The following NEK5 variants were observed in gnomAD, a reference collection of about 807,000 sequenced individuals.
NEK5 encodes NIMA related kinase 5.
Under a neutral mutation model 109.2 loss-of-function variants are expected in NEK5, and 88 were observed. The ratio of observed to expected loss-of-function variants is 0.81; its 90% confidence interval spans 0.68 to 0.96. NEK5 has a LOEUF of 0.96. NEK5 is among the 40% of genes least tolerant of loss of function. The pLI, the probability that NEK5 is intolerant of heterozygous loss-of-function variation, is 0.00. For missense variants in NEK5, 834 were observed against 920.7 expected (o/e 0.91, Z 1.22); for synonymous variants, 283 against 299.9 (o/e 0.94, Z 0.58).
intron 1 of NEK5, among the ~76,000 whole-genome samples, chr13:52,128,205 T>C (rs922663846): frequency 3.3e-5 from 5 of 152,140 alleles, no homozygotes; most frequent in African/African-American, 1.2e-4. Flanking sequence ...CTTTTTTTTT[T>C]CGAGGAATGC....
At position 52,127,468 on chromosome 13, in the gene NEK5, A is replaced by G; in HGVS notation, c.15T>C (p.Asp5=). 6.3e-7 allele frequency: 1 copy of G among 1,599,072 alleles called. No individual in the cohort carries two copies. Among genetic ancestry groups the G allele is most frequent in the Non-Finnish European group, 8.6e-7 (1 of 1,166,562 alleles). ...CACCTTGCCCGATGGCCTTAATCAC[A>G]TCGTACTTATCCATGGTCTCCAATG... MDKY[D]VIKAIGQGAF... is the part of the protein sequence containing the mutation. The change falls in exon 3 of 24, where the codon GAT becomes GAC. Residue 5 remains aspartate, a synonymous_variant. Coordinates refer to ENST00000684899, the MANE Select transcript of NEK5 (RefSeq NM_001365552.1).
intron 4 of NEK5, among the ~76,000 whole-genome samples, chr13:52,113,653 T>C (rs1042939677): frequency 6.6e-6 from 1 of 151,966 alleles, no homozygotes. Context: ...TTCCTGGCCA[T>C]TTCCACTCAA....
intron 1 of NEK5, among the ~76,000 whole-genome samples, chr13:52,128,674 T>TG (rs945756976): frequency 6.6e-6 from 1 of 152,084 alleles, no homozygotes; most frequent in Non-Finnish European, 1.5e-5. Context: ...CATACGGACT[T>TG]GGGGCCGGGG....
chr13:52,080,033 C>T (rs1157997999), intron 17 of NEK5, among the ~76,000 whole-genome samples: 2 of 151,684 alleles, frequency 1.3e-5, no homozygotes, highest in African/African-American at 2.4e-5. Flanking sequence ...GCAACCGCCC[C>T]GTCTAAGAAG....
chr13:52,110,702 T>A (rs1955742509), intron 5 of NEK5, 125 bp from the exon 6 acceptor site: 1 of 558,604 alleles, frequency 1.8e-6, no homozygotes, highest in Non-Finnish European at 3.1e-6. Flanking sequence ...ATATAGTGTA[T>A]GTGTATTTAT....
chr13:52,063,213 C>T (rs977307814), intron 21 of NEK5, among the ~76,000 whole-genome samples: 1 of 152,238 alleles, frequency 6.6e-6, no homozygotes, highest in Non-Finnish European at 1.5e-5. Context: ...CCCGTGATTA[C>T]AGACACGCGT....
At chr13:52,073,063 C>A (rs1029405568) in intron 19 of NEK5, among the ~76,000 whole-genome samples, 6 of 152,072 alleles carry the variant, frequency 3.9e-5, no homozygotes, top group Non-Finnish European at 8.8e-5. Context: ...CTAATTAAGA[C>A]CTAAAATAAA....
chr13:52,119,450 G>A (rs1955928744), intron 3 of NEK5, 35 bp from the exon 4 acceptor site: 4 of 1,154,694 alleles, frequency 3.5e-6, no homozygotes, highest in Non-Finnish European at 5.0e-6. Context: ...AGTCTATAAA[G>A]CTAACTTGGT....
intron 4 of NEK5, among the ~76,000 whole-genome samples, chr13:52,117,712 TAA>T (rs566303204): frequency 3.2e-4 from 48 of 152,258 alleles, no homozygotes; most frequent in African/African-American, 1.0e-3. Context: ...CAAAATTCAT[TAA>T]GTTTACCATG....
intron 20 of NEK5, among the ~76,000 whole-genome samples, chr13:52,067,760 T>C (rs6650385): frequency 0.63 from 93,826 of 149,866 alleles, 30,538 homozygotes; most frequent in Non-Finnish European, 0.72. Flanking sequence ...GGCACAATCT[T>C]GTCTCACTGC....
chr13:52,087,548 A>G, intron 14 of NEK5, 94 bp from the exon 15 acceptor site: 2 of 646,406 alleles, frequency 3.1e-6, no homozygotes, highest in Non-Finnish European at 5.4e-6. Context: ...TAAGAATTAT[A>G]TCACTAAGCA....
intron 17 of NEK5, among the ~76,000 whole-genome samples, chr13:52,077,614 C>G (rs921752884): frequency 6.6e-6 from 1 of 152,172 alleles, no homozygotes; most frequent in Non-Finnish European, 1.5e-5. Flanking sequence ...ACAGAGAGAA[C>G]TGAAACACTC....
At chr13:52,044,267 T>C (rs1954438479) in intron 23 of NEK5, among the ~76,000 whole-genome samples, 1 of 152,192 alleles carries the variant, frequency 6.6e-6, no homozygotes, top group Non-Finnish European at 1.5e-5. Context: ...GAGTTATACT[T>C]AATAAACTCC....
intron 4 of NEK5, 59 bp from the exon 5 acceptor site, chr13:52,112,424 C>CA: frequency 8.9e-7 from 1 of 1,128,318 alleles, no homozygotes; most frequent in Non-Finnish European, 1.3e-6. Context: ...CAGCCATGTT[C>CA]TGGCTGTGGA....
At chr13:52,050,440 A>C (rs186619284) in intron 22 of NEK5, among the ~76,000 whole-genome samples, 3 of 152,282 alleles carry the variant, frequency 2.0e-5, no homozygotes, top group Non-Finnish European at 2.9e-5. Flanking sequence ...CTTTTGGGGT[A>C]GATGCTTTCA....
intron 19 of NEK5, among the ~76,000 whole-genome samples, chr13:52,074,872 A>C (rs988621836): frequency 6.6e-6 from 1 of 152,210 alleles, no homozygotes; most frequent in African/African-American, 2.4e-5. Context: ...TATATAAAAG[A>C]ATACTCATCA....
chr13:52,046,505 A>G (rs1954460680), intron 23 of NEK5, among the ~76,000 whole-genome samples: 1 of 151,080 alleles, frequency 6.6e-6, no homozygotes, highest in Non-Finnish European at 1.5e-5. Context: ...AAGAAGAAGA[A>G]GAAGAAGAAA....
At position 52,061,972 on chromosome 13, in the gene NEK5, T is replaced by C. The variant is rs1954617675; in HGVS notation, c.1976-19A>G. 2 of 447,246 alleles carry C rather than the reference T, an allele frequency of 4.5e-6. No homozygotes were observed. The highest frequency in any genetic ancestry group is 2.1e-5 in the African/African-American group (1 of 46,976). The allele number at this position is 447,246 out of a possible 1,614,324, so 27.7% of individuals were successfully genotyped here. ...TGGCCATCTGAAGAGGAAAGTGTTA[T>C]TAAAAATAAAAATGCTTCTTCACTG... On this transcript the variant is annotated intron_variant, in intron 21 of 23. Coordinates refer to ENST00000684899, the MANE Select transcript of NEK5 (RefSeq NM_001365552.1).
chr13:52,055,436 G>C (rs1954545787), intron 22 of NEK5, among the ~76,000 whole-genome samples: 2 of 152,078 alleles, frequency 1.3e-5, no homozygotes, highest in Non-Finnish European at 2.9e-5. Flanking sequence ...TCAGGTTCAG[G>C]AAATACAGAG....
Sources: allele counts gnomAD v4.1 joint callset (sites outside exome capture counted in the v4.1 genomes callset), GRCh38; gene constraint gnomAD v4.1.1; transcripts MANE v1.5; gene names NCBI Gene and HGNC (gene_info 2026-07-23, HGNC 2026-07-21).